The following CLDN10 variants were observed in gnomAD, a reference collection of about 807,000 sequenced individuals.
CLDN10 encodes the protein claudin-10.
CLDN10 carries 15 observed loss-of-function variants against 22.9 expected under a neutral mutation model. The observed-to-expected ratio is 0.65, with a 90% CI of 0.44 to 1.01. CLDN10 has a LOEUF of 1.01. Among genes scored for constraint, CLDN10 ranks in the 50% least tolerant of loss-of-function variants. The pLI is 0.00. For missense variants in CLDN10, 247 were observed against 287.8 expected (o/e 0.86, Z 1.03); for synonymous variants, 114 against 111.4 (o/e 1.02, Z -0.15).
intron 1 of CLDN10, among the ~76,000 whole-genome samples, chr13:95,487,145 A>G (rs997366167): frequency 6.6e-6 from 1 of 152,192 alleles, no homozygotes; most frequent in African/African-American, 2.4e-5. Context: ...TTGTTCTGGC[A>G]GCCTATGATG....
chr13:95,438,362 C>T lies in CLDN10; in HGVS notation c.214+4315C>T, dbSNP rs142644442. Among the ~76,000 whole-genome samples, 886 of 152,342 alleles carry T rather than the reference C, an allele frequency of 5.8e-3. 3 individuals are homozygous for T. The highest frequency in any genetic ancestry group is 0.02 in the African/African-American group (851 of 41,574). On this transcript the variant is annotated intron_variant, in intron 1 of 4. Transcript: ENST00000376873. ...TCCAGTGATCCTCCAGCCTAGGCCTCCCAGAGTGCTGGGATTACAGGCATG... is the reference window on the plus strand; with the variant it reads ...TCCAGTGATCCTCCAGCCTAGGCCTTCCAGAGTGCTGGGATTACAGGCATG...
chr13:95,514,698 C>T (rs2043143900), intron 1 of CLDN10, among the ~76,000 whole-genome samples: 1 of 151,938 alleles, frequency 6.6e-6, no homozygotes, highest in South Asian at 2.1e-4. Context: ...GAACATGGGG[C>T]TTTGTGGGTC....
chr13:95,441,884 G>A (rs560057009), intron 1 of CLDN10, among the ~76,000 whole-genome samples: 1 of 152,328 alleles, frequency 6.6e-6, no homozygotes, highest in African/African-American at 2.4e-5. Flanking sequence ...AGGCATGGTG[G>A]CTCATGCCTG....
chr13:95,505,164 A>T (rs1162653550), intron 1 of CLDN10, among the ~76,000 whole-genome samples: 1 of 152,218 alleles, frequency 6.6e-6, no homozygotes, highest in African/African-American at 2.4e-5. Flanking sequence ...GTTCCTTGGG[A>T]TAATTCTAAC....
chr13:95,473,161 G>A (rs201522262), intron 1 of CLDN10, among the ~76,000 whole-genome samples: 11 of 88,092 alleles, frequency 1.2e-4, no homozygotes, highest in Admixed American at 3.7e-4. Context: ...AAAAAAAAAG[G>A]AGAGAGAGAG....
chr13:95,561,091 A>G (rs1490997621), intron 3 of CLDN10, among the ~76,000 whole-genome samples: 7 of 152,178 alleles, frequency 4.6e-5, no homozygotes, highest in Non-Finnish European at 1.0e-4. Context: ...TGCTTTTTAT[A>G]GTTTCCCTAG....
intron 3 of CLDN10, among the ~76,000 whole-genome samples, chr13:95,576,170 CTGGCCTCAGCTCT>C (rs2043921357): frequency 6.6e-6 from 1 of 152,142 alleles, no homozygotes; most frequent in African/African-American, 2.4e-5. Flanking sequence ...ATACCGAAGC[CTGGCCTCAGCTCT>C]TGAACTTGGC....
chr13:95,537,947 C>T (rs1422196158), intron 1 of CLDN10, among the ~76,000 whole-genome samples: 1 of 152,184 alleles, frequency 6.6e-6, no homozygotes, highest in Non-Finnish European at 1.5e-5. Flanking sequence ...AAACTACATC[C>T]TTCAGTGGCA....
At chr13:95,483,381 A>C (rs1055284623) in intron 1 of CLDN10, among the ~76,000 whole-genome samples, 66 of 151,726 alleles carry the variant, frequency 4.3e-4, no homozygotes, top group African/African-American at 1.5e-3. Flanking sequence ...TTTTTTATTA[A>C]AATTTTTTGT....
intron 1 of CLDN10, among the ~76,000 whole-genome samples, chr13:95,526,220 ATT>A (rs920474745): frequency 3.2e-4 from 49 of 151,534 alleles, no homozygotes; most frequent in Admixed American, 3.0e-3. Flanking sequence ...TAATTGTTAG[ATT>A]TTTTTTCTCC....
chr13:95,459,799 C>T (rs1348833402), intron 1 of CLDN10, among the ~76,000 whole-genome samples: 2 of 152,212 alleles, frequency 1.3e-5, no homozygotes, highest in Non-Finnish European at 2.9e-5. Context: ...TTGAATTTCT[C>T]CCCAGAAAAT....
chr13:95,476,678 A>C (rs1045297282), intron 1 of CLDN10, among the ~76,000 whole-genome samples: 1 of 152,158 alleles, frequency 6.6e-6, no homozygotes, highest in African/African-American at 2.4e-5. Context: ...CCTGAACACC[A>C]GTGACAAGTA....
At chr13:95,511,340 GA>G (rs200488118) in intron 1 of CLDN10, among the ~76,000 whole-genome samples, 2 of 151,838 alleles carry the variant, frequency 1.3e-5, no homozygotes, top group East Asian at 1.9e-4. Context: ...AAAGGAAAGA[GA>G]AAAAAACCCT....
chr13:95,538,050 G>A (rs556216798), intron 1 of CLDN10, among the ~76,000 whole-genome samples: 1 of 151,366 alleles, frequency 6.6e-6, no homozygotes, highest in African/African-American at 2.4e-5. Context: ...AAGAAGATCT[G>A]CAGAAATTTT....
At chr13:95,440,452 G>C (rs2042314100) in intron 1 of CLDN10, among the ~76,000 whole-genome samples, 1 of 152,174 alleles carries the variant, frequency 6.6e-6, no homozygotes, top group Non-Finnish European at 1.5e-5. Flanking sequence ...GAAGCAGGAG[G>C]GTCACTTGAG....
At chr13:95,493,555 C>A (rs1276310970) in intron 1 of CLDN10, among the ~76,000 whole-genome samples, 1 of 136,884 alleles carries the variant, frequency 7.3e-6, no homozygotes, top group Non-Finnish European at 1.6e-5. Context: ...TTGCCTACCC[C>A]CACTTTTTTT....
intron 1 of CLDN10, among the ~76,000 whole-genome samples, chr13:95,483,857 C>T (rs1368038945): frequency 6.6e-6 from 1 of 152,170 alleles, no homozygotes; most frequent in African/African-American, 2.4e-5. Flanking sequence ...AAAATGCTAA[C>T]CCCCAAGGTG....
At chr13:95,435,789 GT>G in intron 1 of CLDN10, among the ~76,000 whole-genome samples, 1 of 152,020 alleles carries the variant, frequency 6.6e-6, no homozygotes, top group East Asian at 1.9e-4. Context: ...AAGTCTGTTT[GT>G]TTTTAATTGG....
At chr13:95,567,269 C>T (rs2043798994) in intron 3 of CLDN10, among the ~76,000 whole-genome samples, 1 of 152,162 alleles carries the variant, frequency 6.6e-6, no homozygotes, top group African/African-American at 2.4e-5. Flanking sequence ...AGTGTTCTTC[C>T]ATTTGTTCAT....
Sources: allele counts gnomAD v4.1 joint callset (sites outside exome capture counted in the v4.1 genomes callset), GRCh38; gene constraint gnomAD v4.1.1; transcripts MANE v1.5; gene names NCBI Gene and HGNC (gene_info 2026-07-23, HGNC 2026-07-21).